The following MUC5B variants were observed in gnomAD, a reference collection of about 807,000 sequenced individuals.
The protein encoded by MUC5B is mucin-5B.
A neutral mutation model predicts 376.9 loss-of-function variants in MUC5B; 116 were observed. The observed-to-expected ratio is 0.31, with a 90% CI of 0.26 to 0.36. The LOEUF (loss-of-function observed/expected upper bound fraction) is 0.36. Ranked by LOEUF, MUC5B falls within the 10% of genes least tolerant of loss-of-function variation. The probability of loss-of-function intolerance (pLI) is 1.00; values close to 1 mark genes in which losing one functional copy is unlikely to be tolerated. For synonymous variants in MUC5B, 3,517 were observed against 3,390.9 expected, an observed-to-expected ratio of 1.04 and a Z score of -1.29; for missense variants, 7,165 against 7,769.9, an observed-to-expected ratio of 0.92 and a Z score of 2.93.
intron 24 of MUC5B, 99 bp downstream of exon 24, chr11:1,236,661 G>C: frequency 7.6e-7 from 1 of 1,317,422 alleles, no homozygotes. Context: ...TGACCCGTGG[G>C]TGCGTGAGCC....
At position 1,257,369 on chromosome 11, in the gene MUC5B, C is replaced by T; in HGVS notation, c.16269+98C>T. Reference sequence around the variant, plus strand: ...CATCCCACAGGGCAGCTGTGGGGCGCCCGAGTGTGACGTGGACGTGCCAGT... The same window carrying T: ...CATCCCACAGGGCAGCTGTGGGGCGTCCGAGTGTGACGTGGACGTGCCAGT... On this transcript the variant is annotated intron_variant, in intron 40 of 48. Transcript: ENST00000529681. The surrounding 1 kb of genome is among the most constrained non-coding windows in gnomAD (Gnocchi z 8.9). The T allele has an allele frequency of 2.2e-6, 2 of 901,104 alleles. No homozygotes were observed. Among genetic ancestry groups the T allele is most frequent in the Admixed American group, 1.8e-5 (1 of 54,716 alleles). The allele number at this position is 901,104 out of a possible 1,614,324, so 55.8% of individuals were successfully genotyped here.
intron 23 of MUC5B, among the ~76,000 whole-genome samples, chr11:1,235,827 T>A (rs1564935540): frequency 6.7e-6 from 1 of 149,620 alleles, no homozygotes; most frequent in Non-Finnish European, 1.5e-5. Context: ...TCCAGGATGA[T>A]CTCATTTCAA....
Position 1,233,390 on chromosome 11 carries a change from G to A in MUC5B, c.2321+122G>A. On this transcript the variant is annotated intron_variant, in intron 18 of 48. Transcript: ENST00000529681. Reference sequence around the variant, plus strand: ...GACATGAGGGGCCAGGCTGGGGAGAGTGGGGCAGGGTGGACCCAGCACATT... The same window carrying A: ...GACATGAGGGGCCAGGCTGGGGAGAATGGGGCAGGGTGGACCCAGCACATT... 5 of 1,111,252 alleles carry A rather than the reference G, an allele frequency of 4.5e-6. No homozygotes were observed. The South Asian group carries it at 6.6e-5, about 15-fold the overall frequency. The allele number at this position is 1,111,252 out of a possible 1,614,324, so 68.8% of individuals were successfully genotyped here.
chr11:1,253,499 A>G lies in MUC5B; in HGVS notation c.15217+519A>G, dbSNP rs1199711351. Among the ~76,000 whole-genome samples, 1 of 151,266 alleles carries G rather than the reference A, an allele frequency of 6.6e-6. No homozygotes were observed. The highest frequency in any genetic ancestry group is 2.4e-5 in the African/African-American group (1 of 41,060). Reference sequence around the variant, plus strand: ...ACCGCTAAGAGGTCACGGCGTTCTCACTCCTCCCCATGTCCTTGGCCCAGG... The same window carrying G: ...ACCGCTAAGAGGTCACGGCGTTCTCGCTCCTCCCCATGTCCTTGGCCCAGG... On this transcript the variant is annotated intron_variant, in intron 33 of 48. Transcript: ENST00000529681. This position sits in a 1 kb window ranked among gnomAD's most constrained non-coding sequence, Gnocchi z 4.3.
In MUC5B at chr11:1,242,659, A is replaced by G. The variant is rs369964583; in HGVS notation, c.5779A>G (p.Thr1927Ala). ...GTCCACTGGATCCACGGCCACCCCG[A>G]CCTCCACCCTGAGAACAGCTCCCCC... ...TASTGSTATP[T>A]STLRTAPPPK... The change falls in exon 31 of 49, where the codon ACC becomes GCC. Residue 1927 changes from threonine to alanine, a missense_variant. By Grantham distance (58) the Thr-to-Ala change is moderately conservative. Coordinates refer to ENST00000529681, the MANE Select transcript of MUC5B (RefSeq NM_002458.3). 1.3e-4 allele frequency: 215 copies of G among 1,612,766 alleles called. No individual in the cohort carries two copies. The African/African-American group carries it at 2.7e-3, about 21-fold the overall frequency.
Position 1,243,461 on chromosome 11 carries a change from T to A in MUC5B, c.6581T>A (p.Met2194Lys), listed in dbSNP as rs2943502. The change falls in exon 31 of 49, where the codon ATG (methionine) becomes AAG (lysine). Residue 2194 changes from methionine (M) to lysine (K), a missense_variant. This residue lies in a region of MUC5B where 67 missense variants were observed against 103.0 expected (regional missense o/e 0.65). Transcript: ENST00000529681. Reference protein sequence around the residue: ...TTHTPPVPNTMATTHGRSLPP... With the variant: ...TTHTPPVPNTKATTHGRSLPP... ...CACACACCCCCAGTGCCGAACACCATGGCCACCACACACGGGCGATCCCTG... is the reference window on the plus strand; with the variant it reads ...CACACACCCCCAGTGCCGAACACCAAGGCCACCACACACGGGCGATCCCTG... The A allele has an allele frequency of 6.2e-6, 9 of 1,454,076 alleles. 1 individual carries two copies. The highest frequency in any genetic ancestry group is 2.0e-5 in the Admixed American group (1 of 50,720). 90.1% of individuals were successfully genotyped at this position (1,454,076 alleles called of 1,614,324 possible).
rs543908362 is a variant in MUC5B at position 1,261,278 on chromosome 11, G to T, written c.17070-111G>T. On this transcript the variant is annotated intron_variant, in intron 48 of 48. Coordinates refer to ENST00000529681, the MANE Select transcript of MUC5B (RefSeq NM_002458.3). ...CCCACAGAGCAGGCCACTGTGGACA[G>T]AAGGGGGCGGCCGTCTGGCCCAGGA... is the stretch of plus-strand genomic sequence containing the variant. The T allele has an allele frequency of 4.3e-5, 41 of 945,274 alleles. No homozygotes were observed. The East Asian group carries it at 9.8e-4, about 23-fold the overall frequency. The allele number at this position is 945,274 out of a possible 1,614,324, so 58.6% of individuals were successfully genotyped here. A position where few individuals can be genotyped will look rare whatever the true frequency, so the allele number is the denominator to read the frequency against.
Position 1,247,109 on chromosome 11 carries a change from C to G in MUC5B, c.10229C>G (p.Pro3410Arg). The G allele has an allele frequency of 6.4e-7, 1 of 1,566,334 alleles. No homozygotes were observed. Among genetic ancestry groups the G allele is most frequent in the East Asian group, 2.4e-5 (1 of 41,236 alleles). The change falls in exon 31 of 49, where the codon CCA (proline) becomes CGA (arginine). Residue 3410 changes from proline (P) to arginine (R), a missense_variant. Coordinates refer to ENST00000529681, the MANE Select transcript of MUC5B (RefSeq NM_002458.3). ...TGSTTNPSST[P>R]GTTPIPPVLT... ...TCCACCACCAACCCCTCCTCAACTC[C>G]AGGGACAACTCCCATCCCCCCAGTG...
chr11:1,240,843 C>G lies in MUC5B; in HGVS notation c.3971-8C>G. 6.2e-7 allele frequency: 1 copy of G among 1,601,158 alleles called. No individual in the cohort carries two copies. The highest frequency in any genetic ancestry group is 2.2e-5 in the East Asian group (1 of 44,696). On this transcript the variant is annotated splice_region_variant and splice_polypyrimidine_tract_variant and intron_variant, in intron 30 of 48. Transcript: ENST00000529681. ...TGAGCCAGGACCCCTTTCCCATGCCCCTTGCAGGCCCGGCCCTCCCGGTCT... is the reference window on the plus strand; with the variant it reads ...TGAGCCAGGACCCCTTTCCCATGCCGCTTGCAGGCCCGGCCCTCCCGGTCT...
intron 6 of MUC5B, 65 bp downstream of exon 6, chr11:1,227,463 G>A (rs989372794): frequency 1.2e-4 from 153 of 1,316,716 alleles, no homozygotes; most frequent in Admixed American, 3.7e-4. Context: ...CCACAGTCCC[G>A]GGGAGGCCGG....
Position 1,243,334 on chromosome 11 carries a change from A to C in MUC5B, c.6454A>C (p.Thr2152Pro). ...ATGSTTNPSS[T>P]PGTTPIPPVL... ...CGGCTCCACCACCAACCCCTCCTCA[A>C]CTCCTGGGACAACTCCCATCCCCCC... The change falls in exon 31 of 49, where the codon ACT (threonine) becomes CCT (proline). Residue 2152 changes from threonine (T) to proline (P), a missense_variant. This residue lies in a region of MUC5B where 897 missense variants were observed against 779.6 expected (regional missense o/e 1.15). Coordinates refer to ENST00000529681, the MANE Select transcript of MUC5B (RefSeq NM_002458.3). The C allele has an allele frequency of 6.4e-7, 1 of 1,554,588 alleles. No individual in the cohort carries two copies. Among genetic ancestry groups the C allele is most frequent in the Non-Finnish European group, 8.7e-7 (1 of 1,149,690 alleles).
intron 16 of MUC5B, 24 bp downstream of exon 16, chr11:1,232,568 C>CAG: frequency 6.2e-7 from 1 of 1,605,512 alleles, no homozygotes; most frequent in Non-Finnish European, 8.5e-7. Context: ...GCCAGACCCC[C>CAG]ACGCCTGGGC....
At chr11:1,223,406 G>A (rs1173323782) in intron 1 of MUC5B, 2 of 675,500 alleles carry the variant, frequency 3.0e-6, no homozygotes, top group Non-Finnish European at 5.4e-6. Flanking sequence ...GGCTTGGATG[G>A]GGTGTCCAGG....
chr11:1,224,675 G>A (rs990404849), intron 1 of MUC5B, among the ~76,000 whole-genome samples: 3 of 152,084 alleles, frequency 2.0e-5, no homozygotes, highest in Non-Finnish European at 4.4e-5. Context: ...TGAGCTGTGG[G>A]TCGGGGTGGA....
rs765397612 is a variant in MUC5B at position 1,235,149 on chromosome 11, G to A, written c.2695G>A (p.Gly899Arg). 5 of 1,613,006 alleles carry A rather than the reference G, an allele frequency of 3.1e-6. No homozygotes were observed. The highest frequency in any genetic ancestry group is 4.2e-6 in the Non-Finnish European group (5 of 1,179,710). ...RLCLGTCVAYGDGHFITFDGD... is the reference protein window; with the variant it reads ...RLCLGTCVAYRDGHFITFDGD... Reference sequence around the variant, plus strand: ...CTGCCTGGGCACCTGCGTGGCCTACGGGGATGGCCACTTCATCACCTTTGA... The same window carrying A: ...CTGCCTGGGCACCTGCGTGGCCTACAGGGATGGCCACTTCATCACCTTTGA... Residue 899 changes from glycine to arginine, a missense_variant, in exon 22 of 49, where the codon GGG (glycine) becomes AGG (arginine). Gly to Arg is a moderately radical substitution (Grantham distance 125, BLOSUM62 -2). Transcript: ENST00000529681.
At chr11:1,252,628 G>C in intron 32 of MUC5B, 104 bp downstream of exon 32, 1 of 1,380,142 alleles carries the variant, frequency 7.2e-7, no homozygotes, top group South Asian at 1.5e-5. Context: ...CAGTGACCCC[G>C]CCGCCAGTAT....
Position 1,245,601 on chromosome 11 carries a change from C to A in MUC5B, c.8721C>A (p.Ala2907=), listed in dbSNP as rs771348261. The A allele has an allele frequency of 1.2e-3, 1,872 of 1,585,256 alleles. 6 individuals carry two copies. The highest frequency in any genetic ancestry group is 8.9e-3 in the African/African-American group (640 of 71,842). Reference sequence around the variant, plus strand: ...CCAACATCCGTGCGGCCGGAGGGGCCGTCTGTGAGCAGCCCCTGGGCCTCG... The same window carrying A: ...CCAACATCCGTGCGGCCGGAGGGGCAGTCTGTGAGCAGCCCCTGGGCCTCG... ...TYSNIRAAGG[A]VCEQPLGLEC... The change falls in exon 31 of 49, where the codon GCC becomes GCA. Residue 2907 remains alanine, a synonymous_variant. Transcript: ENST00000529681.
chr11:1,224,834 C>T (rs1861846176), intron 1 of MUC5B, among the ~76,000 whole-genome samples: 1 of 152,142 alleles, frequency 6.6e-6, no homozygotes, highest in Admixed American at 6.5e-5. Flanking sequence ...GCCGGCCCCT[C>T]GCTGAGCCCT....
Position 1,249,866 on chromosome 11 carries a change from C to G in MUC5B, c.12986C>G (p.Ser4329Cys). The G allele has an allele frequency of 6.2e-7, 1 of 1,613,612 alleles. No individual in the cohort carries two copies. The highest frequency in any genetic ancestry group is 8.5e-7 in the Non-Finnish European group (1 of 1,179,798). The change falls in exon 31 of 49, where the codon TCC becomes TGC. Residue 4329 changes from serine to cysteine, a missense_variant. Ser to Cys is a moderately radical substitution (Grantham distance 112, BLOSUM62 -1). Coordinates refer to ENST00000529681, the MANE Select transcript of MUC5B (RefSeq NM_002458.3). ...ACCAGCGTTACACCCATCCCCTCCT[C>G]CACCCTTGGGACCACCGGGACCCTC... ...TATSVTPIPSSTLGTTGTLPE... is the reference protein window; with the variant it reads ...TATSVTPIPSCTLGTTGTLPE...
Sources: allele counts gnomAD v4.1 joint callset (sites outside exome capture counted in the v4.1 genomes callset), GRCh38; gene constraint gnomAD v4.1.1; regional missense constraint gnomAD v4.1.1; non-coding constraint Gnocchi (gnomAD v3.1); transcripts MANE v1.5; gene names NCBI Gene and HGNC (gene_info 2026-07-23, HGNC 2026-07-21).